The following NALCN variants were observed in gnomAD, a reference collection of about 807,000 sequenced individuals.
The protein encoded by NALCN is sodium leak channel NALCN.
Under a neutral mutation model 225.3 loss-of-function variants are expected in NALCN, and 111 were observed. That is an observed-to-expected ratio of 0.49 (90% confidence interval 0.42 to 0.58). The LOEUF is 0.58. Among genes scored for constraint, NALCN ranks in the 20% least tolerant of loss-of-function variants. The probability of loss-of-function intolerance (pLI) is 0.00; values close to 1 mark genes in which losing one functional copy is unlikely to be tolerated. For synonymous variants in NALCN, 764 were observed against 769.0 expected, an observed-to-expected ratio of 0.99 and a Z score of 0.11; for missense variants, 1,378 against 2,202.4, an observed-to-expected ratio of 0.63 and a Z score of 7.49.
intron 2 of NALCN, among the ~76,000 whole-genome samples, 153 bp from the exon 3 acceptor site, chr13:101,395,518 A>G (rs1252634561): frequency 6.6e-6 from 1 of 152,234 alleles, no homozygotes; most frequent in Non-Finnish European, 1.5e-5. Context: ...AAGTGCATAT[A>G]ATGTGCTACA....
chr13:101,185,984 A>C (rs1311240489), intron 14 of NALCN, among the ~76,000 whole-genome samples: 1 of 152,236 alleles, frequency 6.6e-6, no homozygotes, highest in African/African-American at 2.4e-5. Flanking sequence ...GCTCATTTTA[A>C]GGTAAGTTCA....
At position 101,305,111 on chromosome 13, in the gene NALCN, G is replaced by A. The variant is rs1383409325; in HGVS notation, c.800-12745C>T. Among the ~76,000 whole-genome samples, 10 of 152,196 alleles carry A rather than the reference G, an allele frequency of 6.6e-5. No individual in the cohort carries two copies. The South Asian group carries it at 1.2e-3, about 19-fold the overall frequency. ...TTGTTATTGTTTGTTGACAAAATCC[G>A]GCATTATATACCTGACGGTTTTTAT... On this transcript the variant is annotated intron_variant, in intron 7 of 43. Coordinates refer to ENST00000251127, the MANE Select transcript of NALCN (RefSeq NM_052867.4).
chr13:101,096,420 C>A lies in NALCN; in HGVS notation c.3163-740G>T, dbSNP rs960460915. ...AGGGATGAAGTCCTGATACGTGCTACAACATGGAGGATCCTTGAAAATATT... is the reference window on the plus strand; with the variant it reads ...AGGGATGAAGTCCTGATACGTGCTAAAACATGGAGGATCCTTGAAAATATT... On this transcript the variant is annotated intron_variant, in intron 27 of 43. Coordinates refer to ENST00000251127, the MANE Select transcript of NALCN (RefSeq NM_052867.4). Among the ~76,000 whole-genome samples, 3 of 152,272 alleles carry A rather than the reference C, an allele frequency of 2.0e-5. No homozygotes were observed. The South Asian group carries it at 6.2e-4, about 32-fold the overall frequency.
chr13:101,098,520 C>T (rs1322974935), intron 27 of NALCN, among the ~76,000 whole-genome samples: 1 of 152,172 alleles, frequency 6.6e-6, no homozygotes, highest in East Asian at 1.9e-4. Context: ...CTCATGACAT[C>T]TGTTGAGTTT....
chr13:101,273,495 G>A (rs960856876), intron 10 of NALCN, among the ~76,000 whole-genome samples: 1 of 152,040 alleles, frequency 6.6e-6, no homozygotes, highest in Non-Finnish European at 1.5e-5. Flanking sequence ...ACATGGGAGA[G>A]ATGAAAAAGG....
intron 11 of NALCN, 141 bp downstream of exon 11, chr13:101,258,302 A>T: frequency 1.6e-6 from 2 of 1,263,390 alleles, no homozygotes; most frequent in Non-Finnish European, 2.2e-6. Flanking sequence ...CAGAGGAACC[A>T]CTTAAGAAGC....
chr13:101,166,234 C>A (rs572034903), intron 15 of NALCN, among the ~76,000 whole-genome samples: 5 of 152,250 alleles, frequency 3.3e-5, no homozygotes, highest in Admixed American at 3.3e-4. Context: ...CTTTGAGATT[C>A]TATTTTCATT....
In NALCN at chr13:101,243,616, G is replaced by T. The variant is rs2140170780; in HGVS notation, c.1267-5694C>A. 1.9e-5 allele frequency among the ~76,000 whole-genome samples: 2 copies of T among 105,686 alleles called. 1 individual carries two copies. The highest frequency in any genetic ancestry group is 1.8e-4 in the Admixed American group (2 of 11,104). The allele number at this position is 105,686 out of a possible 152,430, so 69.3% of individuals were successfully genotyped here. Reference sequence around the variant, plus strand: ...CAGTGGCAAATGAGGGGTAGTAGAGGGCACCATAGTTTACGGAGGCGAAAG... The same window carrying T: ...CAGTGGCAAATGAGGGGTAGTAGAGTGCACCATAGTTTACGGAGGCGAAAG... On this transcript the variant is annotated intron_variant, in intron 11 of 43. Transcript: ENST00000251127.
intron 18 of NALCN, chr13:101,116,477 A>G: frequency 1.9e-6 from 1 of 514,844 alleles, no homozygotes; most frequent in Non-Finnish European, 3.9e-6. Context: ...TAGCCTTTAA[A>G]CACCACTAGT....
intron 10 of NALCN, among the ~76,000 whole-genome samples, chr13:101,260,726 T>C (rs117017164): frequency 0.019 from 2,866 of 152,328 alleles, 28 homozygotes; most frequent in South Asian, 0.034. Flanking sequence ...GATTATTAGA[T>C]TTTTCCTATA....
intron 15 of NALCN, among the ~76,000 whole-genome samples, chr13:101,168,042 T>C (rs1482488955): frequency 6.6e-6 from 1 of 152,092 alleles, no homozygotes; most frequent in Non-Finnish European, 1.5e-5. Context: ...TTTTTTGACC[T>C]CTCTGAAGTC....
At chr13:101,288,374 T>C (rs2043420395) in intron 9 of NALCN, among the ~76,000 whole-genome samples, 1 of 152,240 alleles carries the variant, frequency 6.6e-6, no homozygotes, top group South Asian at 2.1e-4. Flanking sequence ...AGCATTAAGT[T>C]ATATGTAGCT....
intron 6 of NALCN, among the ~76,000 whole-genome samples, 188 bp downstream of exon 6, chr13:101,376,512 T>A (rs1204695910): frequency 7.2e-6 from 1 of 138,626 alleles, no homozygotes; most frequent in African/African-American, 2.7e-5. Flanking sequence ...CGAGACTCCA[T>A]CTCAAAAATA....
At chr13:101,345,520 C>T in intron 6 of NALCN, 100 bp from the exon 7 acceptor site, 1 of 1,395,702 alleles carries the variant, frequency 7.2e-7, no homozygotes, top group Admixed American at 2.1e-5. Flanking sequence ...ATGTATCTGG[C>T]CAAGTGAGGT....
At chr13:101,073,432 TATA>T (rs1413284681) in intron 37 of NALCN, 149 bp downstream of exon 37, 3 of 579,476 alleles carry the variant, frequency 5.2e-6, no homozygotes, top group African/African-American at 1.9e-5. Flanking sequence ...CATTGGAATG[TATA>T]ATAATGCAAT....
chr13:101,371,061 A>T (rs1817649270), intron 6 of NALCN, among the ~76,000 whole-genome samples: 2 of 152,204 alleles, frequency 1.3e-5, no homozygotes, highest in South Asian at 4.1e-4. Context: ...TTTGAGATTT[A>T]TCCAAGATGC....
intron 6 of NALCN, among the ~76,000 whole-genome samples, chr13:101,357,289 T>A (rs1048003687): frequency 3.2e-4 from 48 of 152,076 alleles, no homozygotes; most frequent in African/African-American, 1.2e-3. Context: ...GAAAACCCCA[T>A]CATCTCAGCC....
intron 3 of NALCN, among the ~76,000 whole-genome samples, chr13:101,392,955 A>G (rs756282745): frequency 5.0e-4 from 76 of 152,362 alleles, no homozygotes; most frequent in Non-Finnish European, 9.3e-4. Context: ...ATAACCAAGA[A>G]TGTGCAAAAT....
chr13:101,126,255 A>G (rs2036223620), intron 17 of NALCN, among the ~76,000 whole-genome samples: 1 of 152,174 alleles, frequency 6.6e-6, no homozygotes, highest in Non-Finnish European at 1.5e-5. Flanking sequence ...CATACTGGTG[A>G]TTTCCCCCTC....
Sources: gnomAD v4.1 joint callset for allele counts (sites outside exome capture counted in the v4.1 genomes callset) on GRCh38, gnomAD v4.1.1 for gene constraint, MANE v1.5 for transcripts, NCBI Gene and HGNC (gene_info 2026-07-23, HGNC 2026-07-21) for gene names.